NOL4L: variants seen among roughly 807,000 people sequenced by gnomAD.
NOL4L encodes the protein nucleolar protein 4 like.
Under a neutral mutation model 64.5 loss-of-function variants are expected in NOL4L, and 7 were observed. The ratio of observed to expected loss-of-function variants is 0.11; its 90% CI spans 0.06 to 0.20. The LOEUF is 0.20. Ranked by LOEUF, NOL4L falls within the 10% of genes least tolerant of loss-of-function variation. The pLI, the probability that NOL4L is intolerant of heterozygous loss-of-function variation, is 1.00. For missense variants in NOL4L, 680 were observed against 967.1 expected, an observed-to-expected ratio of 0.70 and a Z score of 3.94; for synonymous variants, 413 against 401.0, an observed-to-expected ratio of 1.03 and a Z score of -0.36.
intron 1 of NOL4L, among the ~76,000 whole-genome samples, chr20:32,584,062 G>A (rs1980704127): frequency 7.0e-6 from 1 of 143,222 alleles, no homozygotes; most frequent in South Asian, 2.2e-4. Flanking sequence ...GAGGCCCGGC[G>A]GACTCCCCGT....
chr20:32,513,274 C>A (rs746210907), intron 3 of NOL4L, among the ~76,000 whole-genome samples: 1 of 152,166 alleles, frequency 6.6e-6, no homozygotes, highest in Non-Finnish European at 1.5e-5. Flanking sequence ...ACTTATAATA[C>A]CTGCCCCTCA....
chr20:32,540,703 T>C (rs1476452998), intron 1 of NOL4L, among the ~76,000 whole-genome samples: 1 of 152,114 alleles, frequency 6.6e-6, no homozygotes, highest in Non-Finnish European at 1.5e-5. Flanking sequence ...ATCCTAGCCC[T>C]GCCACATGGG....
At chr20:32,491,272 G>A (rs2016458393) in intron 4 of NOL4L, among the ~76,000 whole-genome samples, 2 of 152,174 alleles carry the variant, frequency 1.3e-5, no homozygotes, top group African/African-American at 2.4e-5. Flanking sequence ...CCCAGGGTGT[G>A]AGAAGGAAGT....
intron 5 of NOL4L, among the ~76,000 whole-genome samples, chr20:32,466,135 T>C (rs2014530515): frequency 1.3e-5 from 2 of 152,262 alleles, no homozygotes; most frequent in South Asian, 4.2e-4. Context: ...GCCCAGCTAA[T>C]TTTTGTATTT....
intron 4 of NOL4L, among the ~76,000 whole-genome samples, chr20:32,489,816 A>G (rs2016381495): frequency 6.9e-6 from 1 of 145,712 alleles, no homozygotes; most frequent in African/African-American, 2.7e-5. Flanking sequence ...TCTCAAATAA[A>G]TAAATAAATA....
intron 3 of NOL4L, among the ~76,000 whole-genome samples, chr20:32,513,794 C>T (rs1052477511): frequency 3.9e-5 from 6 of 151,994 alleles, no homozygotes; most frequent in South Asian, 4.2e-4. Flanking sequence ...GAGCCCAGGA[C>T]GTTGAGGCAG....
chr20:32,555,515 C>CT (rs1402633759), intron 1 of NOL4L, among the ~76,000 whole-genome samples: 1 of 151,710 alleles, frequency 6.6e-6, no homozygotes, highest in Non-Finnish European at 1.5e-5. Context: ...CCAGGATGGT[C>CT]TCAACCCCCT....
rs78596202 is a variant in NOL4L at position 32,447,867 on chromosome 20, C to T, written c.1823-51G>A. On this transcript the variant is annotated intron_variant, in intron 10 of 10. Transcript: ENST00000621426. ...AGGGAGCAGCCACCCTGCCTGGCAT[C>T]TGGGAGGTGTACCTTCCTTGGCACT... 1,282 of 1,513,988 alleles carry T rather than the reference C, an allele frequency of 8.5e-4. 27 individuals carry two copies. In the East Asian group the frequency reaches 0.027, roughly 32 times the overall value. The allele number at this position is 1,513,988 out of a possible 1,614,324, so 93.8% of individuals were successfully genotyped here.
intron 2 of NOL4L, 87 bp downstream of exon 2, chr20:32,527,671 C>A: frequency 6.9e-7 from 1 of 1,442,492 alleles, no homozygotes; most frequent in Non-Finnish European, 9.3e-7. Context: ...CTCCCTGCCC[C>A]GCCCCCCAAG....
At chr20:32,502,062 T>C (rs2016943649) in intron 4 of NOL4L, among the ~76,000 whole-genome samples, 2 of 152,096 alleles carry the variant, frequency 1.3e-5, no homozygotes, top group South Asian at 4.1e-4. Flanking sequence ...ATAAGTGTAT[T>C]TATGAGAGGG....
intron 4 of NOL4L, among the ~76,000 whole-genome samples, chr20:32,478,939 A>G (rs1233791579): frequency 6.6e-6 from 1 of 152,188 alleles, no homozygotes; most frequent in African/African-American, 2.4e-5. Flanking sequence ...ACTTTTCAAA[A>G]ACACACAATA....
chr20:32,504,090 T>C (rs186428200), intron 4 of NOL4L, among the ~76,000 whole-genome samples: 1 of 152,302 alleles, frequency 6.6e-6, no homozygotes, highest in Non-Finnish European at 1.5e-5. Flanking sequence ...ATCATATTCC[T>C]TTATATTTAT....
intron 1 of NOL4L, among the ~76,000 whole-genome samples, chr20:32,570,137 C>A (rs571234442): frequency 5.3e-5 from 8 of 152,208 alleles, no homozygotes; most frequent in African/African-American, 1.4e-4. Context: ...TAATTAATTT[C>A]CCCAAGGTCA....
chr20:32,485,228 A>G (rs535588836), intron 4 of NOL4L, among the ~76,000 whole-genome samples: 45 of 152,158 alleles, frequency 3.0e-4, no homozygotes, highest in Non-Finnish European at 5.6e-4. Flanking sequence ...CGAGACAGCC[A>G]CAGCGATTGT....
intron 4 of NOL4L, among the ~76,000 whole-genome samples, chr20:32,501,604 G>A (rs529064991): frequency 6.0e-4 from 92 of 152,280 alleles, no homozygotes; most frequent in African/African-American, 2.1e-3. Context: ...GTGTGTCGAG[G>A]AGTGGGCAAT....
At chr20:32,499,727 A>G (rs902787677) in intron 4 of NOL4L, among the ~76,000 whole-genome samples, 12 of 123,086 alleles carry the variant, frequency 9.7e-5, no homozygotes, top group African/African-American at 4.5e-4. Context: ...CAACAGAGGG[A>G]GACCTTGTCT....
chr20:32,550,012 T>C (rs1363223471), intron 1 of NOL4L, among the ~76,000 whole-genome samples: 5 of 152,170 alleles, frequency 3.3e-5, no homozygotes, highest in Admixed American at 6.5e-5. Context: ...ACAACACAAA[T>C]GTCCATCAAC....
intron 1 of NOL4L, among the ~76,000 whole-genome samples, chr20:32,561,657 A>C (rs921829978): frequency 6.6e-6 from 1 of 152,042 alleles, no homozygotes; most frequent in Non-Finnish European, 1.5e-5. Flanking sequence ...TGGGGACAGG[A>C]GTGTGGAGGA....
rs564112771 is a variant in NOL4L at position 32,485,368 on chromosome 20, A to C, written c.700-10626T>G. On this transcript the variant is annotated intron_variant, in intron 4 of 10. Transcript: ENST00000621426. Reference sequence around the variant, plus strand: ...AAACAAGGCTCCCTCTACAGCCGCGAGTGCGAAGTACAACCCCACAGGTTC... The same window carrying C: ...AAACAAGGCTCCCTCTACAGCCGCGCGTGCGAAGTACAACCCCACAGGTTC... Among the ~76,000 whole-genome samples, 94 of 152,328 alleles carry C rather than the reference A, an allele frequency of 6.2e-4. 1 individual carries two copies. Among genetic ancestry groups the C allele is most frequent in the Middle Eastern group, 3.4e-3 (1 of 294 alleles).
Sources: allele counts gnomAD v4.1 joint callset (sites outside exome capture counted in the v4.1 genomes callset), GRCh38; gene constraint gnomAD v4.1.1; transcripts MANE v1.5; gene names NCBI Gene and HGNC (gene_info 2026-07-23, HGNC 2026-07-21).